TMED3: variants seen among roughly 807,000 people sequenced by gnomAD.
The protein encoded by TMED3 is transmembrane p24 trafficking protein 3.
Under a neutral mutation model 15.0 loss-of-function variants are expected in TMED3, and 9 were observed. The ratio of observed to expected loss-of-function variants is 0.60; its 90% CI spans 0.36 to 1.04. TMED3 has a LOEUF of 1.04. Among genes scored for constraint, TMED3 ranks in the 50% least tolerant of loss-of-function variants. The probability of loss-of-function intolerance (pLI) is 0.01; values close to 1 mark genes in which losing one functional copy is unlikely to be tolerated. For missense variants in TMED3, 267 were observed against 278.9 expected, an observed-to-expected ratio of 0.96 and a Z score of 0.30; for synonymous variants, 117 against 121.4, an observed-to-expected ratio of 0.96 and a Z score of 0.24.
intron 1 of TMED3, among the ~76,000 whole-genome samples, chr15:79,312,112 C>CAGGT (rs1285125459): frequency 6.6e-6 from 1 of 152,154 alleles, no homozygotes; most frequent in East Asian, 1.9e-4. Context: ...ATTTAGTGAG[C>CAGGT]AGGTCTAGGG....
downstream of TMED3, among the ~76,000 whole-genome samples, chr15:79,323,029 T>G (rs368965494): frequency 5.9e-5 from 9 of 152,276 alleles, no homozygotes; most frequent in East Asian, 1.5e-3. Flanking sequence ...ATAGGAAGTC[T>G]CCTCGCATGC....
At chr15:79,346,075 C>A (rs1426790239) in intron 2 of TMED3, among the ~76,000 whole-genome samples, 1 of 152,122 alleles carries the variant, frequency 6.6e-6, no homozygotes. Flanking sequence ...GCATAGTTTG[C>A]AAAAATTTTC....
rs370733840 is a variant in TMED3 at position 79,394,648 on chromosome 15, T to C, written c.418-16752T>C. Among the ~76,000 whole-genome samples the C allele has an allele frequency of 1.6e-4, 24 of 152,348 alleles. 2 individuals carry two copies. The highest frequency in any genetic ancestry group is 7.8e-4 in the Admixed American group (12 of 15,308). On this transcript the variant is annotated intron_variant, in intron 2 of 2. Transcript: ENST00000424155. The stretch of plus-strand genomic sequence containing the variant: ...CTGGGCTCAAAGAAGCAGCTACAAA[T>C]GGAGAAGAGGTTCTTGCATTCTTTC...
chr15:79,312,037 CCTT>C (rs1212831789), intron 1 of TMED3, among the ~76,000 whole-genome samples: 5 of 152,200 alleles, frequency 3.3e-5, no homozygotes, highest in African/African-American at 1.2e-4. Context: ...ATTCCTGTCT[CCTT>C]TGAGAGATCC....
At chr15:79,365,541 G>A (rs1018004188) in intron 2 of TMED3, among the ~76,000 whole-genome samples, 4 of 152,238 alleles carry the variant, frequency 2.6e-5, no homozygotes, top group African/African-American at 9.6e-5. Flanking sequence ...AAAGCAGACT[G>A]GAGGGGAAAG....
chr15:79,386,918 T>C (rs1010468236), intron 2 of TMED3, among the ~76,000 whole-genome samples: 7 of 150,444 alleles, frequency 4.7e-5, no homozygotes, highest in African/African-American at 1.7e-4. Context: ...TCTTTCTTTC[T>C]TTTTAATCTT....
chr15:79,367,022 A>G (rs1395597816), intron 2 of TMED3, among the ~76,000 whole-genome samples: 1 of 152,146 alleles, frequency 6.6e-6, no homozygotes, highest in Non-Finnish European at 1.5e-5. Flanking sequence ...CACAATCTCA[A>G]TTCATATTTA....
At chr15:79,374,534 G>C (rs1346693228) in intron 2 of TMED3, among the ~76,000 whole-genome samples, 1 of 152,066 alleles carries the variant, frequency 6.6e-6, no homozygotes, top group Non-Finnish European at 1.5e-5. Context: ...AGGATCTGTT[G>C]GGCAGGAAAT....
chr15:79,341,775 G>A lies in TMED3; in HGVS notation c.417+27770G>A, dbSNP rs193069818. Among the ~76,000 whole-genome samples the A allele has an allele frequency of 1.8e-3, 277 of 152,282 alleles. 4 individuals carry two copies. The highest frequency in any genetic ancestry group is 6.4e-3 in the African/African-American group (266 of 41,550). ...GAAGGACCGCATGATCTCTTTCGGCGGTTTCAACTACCAGTGATTTTGCCC... is the reference window on the plus strand; with the variant it reads ...GAAGGACCGCATGATCTCTTTCGGCAGTTTCAACTACCAGTGATTTTGCCC... On this transcript the variant is annotated intron_variant, in intron 2 of 2. Transcript: ENST00000424155.
chr15:79,411,577 C>T (rs1025017063), exon 3 of TMED3: 5 of 692,220 alleles, frequency 7.2e-6, no homozygotes, highest in African/African-American at 7.0e-5. Flanking sequence ...TGGGAGGAAG[C>T]TGCTGCACAG....
intron 2 of TMED3, among the ~76,000 whole-genome samples, chr15:79,329,681 G>A (rs541052241): frequency 3.3e-5 from 5 of 152,266 alleles, no homozygotes; most frequent in South Asian, 2.1e-4. Flanking sequence ...AGCAGGTAGC[G>A]GAGATAAAAG....
chr15:79,314,972 T>C (rs1348989569), intron 2 of TMED3, among the ~76,000 whole-genome samples: 2 of 152,172 alleles, frequency 1.3e-5, no homozygotes, highest in Non-Finnish European at 2.9e-5. Context: ...CACCAAATAC[T>C]TGTGAAATGA....
intron 2 of TMED3, among the ~76,000 whole-genome samples, chr15:79,357,043 A>T (rs199872786): frequency 3.1e-5 from 1 of 31,824 alleles, no homozygotes; most frequent in South Asian, 8.4e-4. Flanking sequence ...TATACACATA[A>T]ACACAGTTAT....
intron 1 of TMED3, among the ~76,000 whole-genome samples, chr15:79,312,872 C>T (rs1306937677): frequency 1.3e-5 from 2 of 152,158 alleles, no homozygotes; most frequent in Non-Finnish European, 2.9e-5. Context: ...GGGGGAACAC[C>T]TGTCTGTTAT....
chr15:79,372,918 A>G (rs1255475627), intron 2 of TMED3, among the ~76,000 whole-genome samples: 1 of 152,176 alleles, frequency 6.6e-6, no homozygotes, highest in Non-Finnish European at 1.5e-5. Flanking sequence ...AATTTCAGGC[A>G]ATGTCTGAAA....
At chr15:79,329,255 A>T (rs2141222432) in intron 2 of TMED3, among the ~76,000 whole-genome samples, 1 of 152,352 alleles carries the variant, frequency 6.6e-6, no homozygotes, top group East Asian at 1.9e-4. Context: ...ACACATCACC[A>T]GACCTCATGG....
chr15:79,357,805 A>AT (rs2058925463), intron 2 of TMED3, among the ~76,000 whole-genome samples: 1 of 151,702 alleles, frequency 6.6e-6, no homozygotes, highest in African/African-American at 2.4e-5. Context: ...GGACTGAAAA[A>AT]CTCACTTCCC....
At chr15:79,383,166 C>G in intron 2 of TMED3, 1 of 732,274 alleles carries the variant, frequency 1.4e-6, no homozygotes, top group Non-Finnish European at 2.3e-6. Flanking sequence ...CTCTCACCTG[C>G]ACCAGTTATT....
chr15:79,322,925 T>A (rs1187359772), downstream of TMED3: 7 of 982,146 alleles, frequency 7.1e-6, no homozygotes, highest in Non-Finnish European at 8.5e-6. Context: ...ATAATTAGAA[T>A]GTGACATAGA....
Sources: gnomAD v4.1 joint callset for allele counts (sites outside exome capture counted in the v4.1 genomes callset) on GRCh38, gnomAD v4.1.1 for gene constraint, MANE v1.5 for transcripts, NCBI Gene and HGNC (gene_info 2026-07-23, HGNC 2026-07-21) for gene names.